The following CDYL variants were observed in gnomAD, a reference collection of about 807,000 sequenced individuals.
The protein encoded by CDYL is chromodomain Y-like protein.
In CDYL, 8 loss-of-function variants were observed where a neutral mutation model predicts 47.3. The ratio of observed to expected loss-of-function variants is 0.17; its 90% CI spans 0.10 to 0.31. The LOEUF (loss-of-function observed/expected upper bound fraction) is 0.31, where lower values mean the gene tolerates loss of function less well. Ranked by LOEUF, CDYL falls within the 10% of genes least tolerant of loss-of-function variation. CDYL has a pLI of 1.00. For missense variants in CDYL, 471 were observed against 701.4 expected (o/e 0.67, Z 3.71); for synonymous variants, 266 against 265.0 (o/e 1.00, Z -0.04).
At chr6:4,723,925 C>A (rs150889750) in intron 2 of CDYL, among the ~76,000 whole-genome samples, 2 of 152,360 alleles carry the variant, frequency 1.3e-5, no homozygotes, top group East Asian at 3.9e-4. Flanking sequence ...GGCTCCTGAT[C>A]TGCTTTCGGT....
intron 1 of CDYL, among the ~76,000 whole-genome samples, chr6:4,846,580 C>T (rs1434834343): frequency 6.6e-6 from 1 of 152,046 alleles, no homozygotes; most frequent in South Asian, 2.1e-4. Context: ...GGAAAGGGCC[C>T]AGAAAATAGG....
rs140149693 is a variant in CDYL, at chr6:4,758,370, A to ATATCTC, written c.186+23527_186+23528insATCTCT. ...TAAATAAATATATATATATATATAT[A>ATATCTC]TCTCTTTGTGGCCAGCACGGTGGCT... On this transcript the variant is annotated intron_variant, in intron 3 of 8. Transcript: ENST00000328908. 1.5e-5 allele frequency among the ~76,000 whole-genome samples: 2 copies of ATATCTC among 137,760 alleles called. 1 individual carries two copies. Among genetic ancestry groups the ATATCTC allele is most frequent in the African/African-American group, 5.7e-5 (2 of 35,016 alleles). 90.4% of individuals were successfully genotyped at this position (137,760 alleles called of 152,430 possible).
chr6:4,878,843 T>A (rs2127476939), intron 1 of CDYL, among the ~76,000 whole-genome samples: 1 of 152,224 alleles, frequency 6.6e-6, no homozygotes, highest in African/African-American at 2.4e-5. Flanking sequence ...AAGTAGAAAT[T>A]TAGATAATTA....
intron 1 of CDYL, among the ~76,000 whole-genome samples, chr6:4,786,475 T>G (rs1265759251): frequency 1.3e-5 from 2 of 152,172 alleles, no homozygotes; most frequent in African/African-American, 4.8e-5. Context: ...TTAGCTGATC[T>G]GGTGAAATGT....
At chr6:4,712,463 G>C (rs896556044) in intron 1 of CDYL, among the ~76,000 whole-genome samples, 5 of 152,192 alleles carry the variant, frequency 3.3e-5, no homozygotes, top group African/African-American at 1.2e-4. Context: ...ACAGGTGGCC[G>C]CCGTTCCCAC....
intron 3 of CDYL, among the ~76,000 whole-genome samples, chr6:4,936,088 C>T (rs189671809): frequency 6.6e-6 from 1 of 152,340 alleles, no homozygotes; most frequent in East Asian, 1.9e-4. Context: ...GGGCACGGGG[C>T]TCCATGAAGG....
intron 1 of CDYL, among the ~76,000 whole-genome samples, chr6:4,848,753 G>A (rs1213654040): frequency 1.3e-5 from 2 of 152,206 alleles, no homozygotes; most frequent in African/African-American, 2.4e-5. Context: ...AAGGATTGAG[G>A]GTCGTGGGCC....
In CDYL at chr6:4,892,092, T is replaced by A. The variant is rs747269304; in HGVS notation, c.404T>A (p.Leu135Gln). ...PSLSSRKNMD[L>Q]AKSGIKILVP... The stretch of plus-strand genomic sequence containing the variant: ...CTCTCCAGCCGGAAGAACATGGACC[T>A]AGCGAAGTCAGGTATCAAGATCCTC... The change falls in exon 2 of 7, where the codon CTA becomes CAA. Residue 135 changes from leucine (L) to glutamine (Q), a missense_variant. Leu to Gln is a moderately radical substitution (Grantham distance 113). Coordinates refer to ENST00000397588, the MANE Select transcript of CDYL (RefSeq NM_004824.4). The A allele has an allele frequency of 6.2e-7, 1 of 1,614,216 alleles. No homozygotes were observed. The highest frequency in any genetic ancestry group is 8.5e-7 in the Non-Finnish European group (1 of 1,180,040).
intron 1 of CDYL, among the ~76,000 whole-genome samples, chr6:4,790,101 G>A (rs775525428): frequency 2.6e-5 from 4 of 152,202 alleles, no homozygotes; most frequent in Non-Finnish European, 5.9e-5. Context: ...AAGCATATAG[G>A]AAGATTTGCT....
At chr6:4,904,822 A>T (rs998416791) in intron 2 of CDYL, among the ~76,000 whole-genome samples, 1 of 152,174 alleles carries the variant, frequency 6.6e-6, no homozygotes, top group Non-Finnish European at 1.5e-5. Flanking sequence ...TACAGGTTGT[A>T]CTTAGGACCC....
chr6:4,709,272 T>C (rs1757106233), intron 1 of CDYL, among the ~76,000 whole-genome samples: 1 of 151,818 alleles, frequency 6.6e-6, no homozygotes, highest in Non-Finnish European at 1.5e-5. Flanking sequence ...CTTGGCTCAC[T>C]GCAACCTCCG....
intron 1 of CDYL, among the ~76,000 whole-genome samples, chr6:4,853,110 C>T (rs1267217660): frequency 6.6e-6 from 1 of 152,068 alleles, no homozygotes; most frequent in African/African-American, 2.4e-5. Context: ...TTGACATCTG[C>T]CCATACTCCC....
At chr6:4,734,150 T>TAGCA (rs1036795865) in intron 2 of CDYL, among the ~76,000 whole-genome samples, 6 of 137,750 alleles carry the variant, frequency 4.4e-5, no homozygotes, top group African/African-American at 1.6e-4. Context: ...CTCTCTCTGC[T>TAGCA]GTTTCCCCTC....
intron 3 of CDYL, among the ~76,000 whole-genome samples, chr6:4,745,839 G>A (rs1005463743): frequency 6.6e-6 from 1 of 152,114 alleles, no homozygotes; most frequent in Non-Finnish European, 1.5e-5. Context: ...TGCCAAGTGT[G>A]GGCAGACTGG....
At chr6:4,953,850 G>A (rs1341385714) in intron 6 of CDYL, 48 bp from the exon 7 acceptor site, 2 of 1,574,574 alleles carry the variant, frequency 1.3e-6, no homozygotes, top group Non-Finnish European at 1.7e-6. Context: ...GGGGACCCGT[G>A]TCTGCCCGCA....
chr6:4,758,351 A>AATATATATATATATATATATATATAT (rs56250752), intron 3 of CDYL, among the ~76,000 whole-genome samples: 1 of 129,070 alleles, frequency 7.7e-6, no homozygotes, highest in African/African-American at 3.1e-5. Context: ...AAAATAAATA[A>AATATATATATATATATATATATATAT]ATATATATAT....
chr6:4,711,851 G>A (rs1445917281), intron 1 of CDYL, among the ~76,000 whole-genome samples: 1 of 152,164 alleles, frequency 6.6e-6, no homozygotes, highest in African/African-American at 2.4e-5. Context: ...GATCACTTGA[G>A]GCCCGGAGTT....
chr6:4,810,700 A>G (rs905545846), intron 1 of CDYL, among the ~76,000 whole-genome samples: 1 of 152,190 alleles, frequency 6.6e-6, no homozygotes, highest in Non-Finnish European at 1.5e-5. Context: ...TCCAAGGTCA[A>G]GGCACCCAGC....
At chr6:4,760,253 C>T (rs1202121622) in intron 3 of CDYL, among the ~76,000 whole-genome samples, 1 of 151,922 alleles carries the variant, frequency 6.6e-6, no homozygotes, top group East Asian at 1.9e-4. Flanking sequence ...TGCTGACTCC[C>T]TGTATCCTGG....
Sources: gnomAD v4.1 joint callset for allele counts (sites outside exome capture counted in the v4.1 genomes callset) on GRCh38, gnomAD v4.1.1 for gene constraint, MANE v1.5 for transcripts, NCBI Gene and HGNC (gene_info 2026-07-23, HGNC 2026-07-21) for gene names.